KIAA1671: variants seen among roughly 807,000 people sequenced by gnomAD.
KIAA1671 encodes the protein KIAA1671.
KIAA1671 carries 52 observed loss-of-function variants against 131.2 expected under a neutral mutation model. That is an observed-to-expected ratio of 0.40 (90% CI 0.32 to 0.50). The LOEUF is 0.50. Among genes scored for constraint, KIAA1671 ranks in the 20% least tolerant of loss-of-function variants. KIAA1671 has a pLI of 0.73. For missense variants in KIAA1671, 2,360 were observed against 2,364.2 expected (o/e 1.00, Z 0.04); for synonymous variants, 1,003 against 961.6 (o/e 1.04, Z -0.80).
At chr22:25,063,015 T>C (rs961982186) in intron 6 of KIAA1671, 3 of 152,054 alleles carry the variant, frequency 2.0e-5, no homozygotes, top group Non-Finnish European at 2.9e-5. Flanking sequence ...ATTGCTCTGC[T>C]AGCCAAGGGG....
chr22:25,174,192 T>C (rs1248958550), intron 7 of KIAA1671, 48 bp from the exon 8 acceptor site: 2 of 1,539,672 alleles, frequency 1.3e-6, no homozygotes, highest in Non-Finnish European at 1.8e-6. Flanking sequence ...TCCCGTTCTC[T>C]GAAACGTTCT....
intron 6 of KIAA1671, among the ~76,000 whole-genome samples, chr22:25,150,030 C>T (rs1229430827): frequency 1.3e-5 from 2 of 152,160 alleles, no homozygotes; most frequent in African/African-American, 4.8e-5. Context: ...TATCCATCTC[C>T]CCAACTTGAT....
intron 1 of KIAA1671, among the ~76,000 whole-genome samples, chr22:25,017,493 G>A (rs1298842005): frequency 3.3e-5 from 5 of 152,184 alleles, no homozygotes; most frequent in African/African-American, 1.2e-4. Flanking sequence ...GCCCTGACCT[G>A]TTTTAGCTAG....
intron 6 of KIAA1671, among the ~76,000 whole-genome samples, chr22:25,076,313 T>G (rs1929106801): frequency 6.6e-6 from 1 of 152,100 alleles, no homozygotes. Flanking sequence ...GTTTATTGTA[T>G]GCATAATTGT....
intron 1 of KIAA1671, among the ~76,000 whole-genome samples, chr22:24,965,755 A>T: frequency 6.6e-6 from 1 of 151,864 alleles, no homozygotes; most frequent in Non-Finnish European, 1.5e-5. Flanking sequence ...AAAAAAAAAA[A>T]AAAAAAGAAA....
At chr22:25,003,400 A>ATTTTTTTTTTTTTTTT (rs71191013) in intron 1 of KIAA1671, among the ~76,000 whole-genome samples, 2 of 113,844 alleles carry the variant, frequency 1.8e-5, no homozygotes, top group African/African-American at 8.4e-5. Flanking sequence ...ACTTGGAGAG[A>ATTTTTTTTTTTTTTTT]TTTTTTTTTT....
chr22:25,106,007 C>A (rs6004439), intron 6 of KIAA1671, among the ~76,000 whole-genome samples: 14 of 152,288 alleles, frequency 9.2e-5, no homozygotes, highest in African/African-American at 3.4e-4. Context: ...ATGCCTGGCA[C>A]ATAGTAAGTG....
intron 6 of KIAA1671, chr22:25,063,622 G>T (rs901468622): frequency 6.6e-6 from 1 of 152,128 alleles, no homozygotes; most frequent in East Asian, 1.9e-4. Context: ...CACTGCTCGG[G>T]TGACGGGTGC....
chr22:25,156,119 T>G (rs1304292184), intron 6 of KIAA1671, among the ~76,000 whole-genome samples: 1 of 144,470 alleles, frequency 6.9e-6, no homozygotes, highest in African/African-American at 2.5e-5. Context: ...ACCTCCTAGG[T>G]TCATGCCATT....
intron 6 of KIAA1671, among the ~76,000 whole-genome samples, chr22:25,093,752 C>CTCTCTCTG (rs1930191277): frequency 1.8e-5 from 1 of 54,354 alleles, no homozygotes; most frequent in Non-Finnish European, 3.4e-5. Flanking sequence ...CTCTCTCTCT[C>CTCTCTCTG]TCTCTCTCTC....
intron 4 of KIAA1671, among the ~76,000 whole-genome samples, chr22:25,038,222 G>A (rs2145803075): frequency 6.6e-6 from 1 of 152,234 alleles, no homozygotes; most frequent in East Asian, 1.9e-4. Context: ...GGCTGGTCTT[G>A]GACTCCTGGA....
intron 1 of KIAA1671, among the ~76,000 whole-genome samples, chr22:25,020,348 ATGT>A (rs891446192): frequency 2.0e-5 from 3 of 152,212 alleles, no homozygotes; most frequent in African/African-American, 7.2e-5. Context: ...GGTCTCAAAA[ATGT>A]TGTTGAAAGT....
intron 1 of KIAA1671, among the ~76,000 whole-genome samples, chr22:24,961,646 C>T (rs1230821649): frequency 6.6e-6 from 1 of 152,228 alleles, no homozygotes; most frequent in East Asian, 1.9e-4. Flanking sequence ...ACAGAAGCCT[C>T]CGTTCTGAAC....
chr22:25,143,192 T>G (rs896262228), intron 6 of KIAA1671, among the ~76,000 whole-genome samples: 1 of 151,990 alleles, frequency 6.6e-6, no homozygotes, highest in South Asian at 2.1e-4. Flanking sequence ...CTTCAGGGAG[T>G]TGCCAGTCAG....
At chr22:25,025,551 T>A (rs1054384901) in intron 1 of KIAA1671, 82 bp from the exon 2 acceptor site, 3 of 152,130 alleles carry the variant, frequency 2.0e-5, no homozygotes, top group Non-Finnish European at 2.9e-5. Flanking sequence ...GCGGATGCAT[T>A]TGGAGCTTGA....
intron 6 of KIAA1671, among the ~76,000 whole-genome samples, chr22:25,151,429 CTTTTTT>C (rs67444002): frequency 9.5e-6 from 1 of 104,760 alleles, no homozygotes; most frequent in South Asian, 3.2e-4. Flanking sequence ...AACATGAACT[CTTTTTT>C]TTTTTTTTTT....
intron 1 of KIAA1671, among the ~76,000 whole-genome samples, chr22:24,980,274 T>TTTC (rs1923158923): frequency 6.7e-6 from 1 of 150,090 alleles, no homozygotes; most frequent in African/African-American, 2.5e-5. Flanking sequence ...TCTTTGATTT[T>TTTC]TTTTTTTTTT....
chr22:24,957,963 GC>G (rs1442061131), intron 1 of KIAA1671, among the ~76,000 whole-genome samples: 1 of 120,308 alleles, frequency 8.3e-6, no homozygotes, highest in African/African-American at 4.1e-5. Context: ...CAGGCACCCG[GC>G]CTTTTTTTTT....
chr22:24,959,353 T>A lies in KIAA1671; in HGVS notation c.-208+6581T>A, dbSNP rs995685946. Among the ~76,000 whole-genome samples, 66 of 150,224 alleles carry A rather than the reference T, an allele frequency of 4.4e-4. 2 individuals carry two copies. Among genetic ancestry groups the A allele is most frequent in the Non-Finnish European group, 8.9e-4 (60 of 67,412 alleles). ...AAACCCCATCTCTACTAAAAAAAAA[T>A]AAAAATAAAATTAAAAAAAATTAGC... On this transcript the variant is annotated intron_variant, in intron 1 of 12. Transcript: ENST00000358431.
Sources: gnomAD v4.1 joint callset for allele counts (sites outside exome capture counted in the v4.1 genomes callset) on GRCh38, gnomAD v4.1.1 for gene constraint, MANE v1.5 for transcripts, NCBI Gene and HGNC (gene_info 2026-07-23, HGNC 2026-07-21) for gene names.